The following SEMA6D variants were observed in gnomAD, a reference collection of about 807,000 sequenced individuals.
The protein encoded by SEMA6D is semaphorin-6D.
Under a neutral mutation model 106.6 loss-of-function variants are expected in SEMA6D, and 35 were observed. The ratio of observed to expected loss-of-function variants is 0.33; its 90% confidence interval spans 0.25 to 0.44. The LOEUF is 0.44. Ranked by LOEUF, SEMA6D falls within the 20% of genes least tolerant of loss-of-function variation. SEMA6D has a pLI of 1.00. For missense variants in SEMA6D, 1,185 were observed against 1,345.9 expected, an observed-to-expected ratio of 0.88 and a Z score of 1.87; for synonymous variants, 499 against 487.7, an observed-to-expected ratio of 1.02 and a Z score of -0.31.
chr15:47,419,472 G>A (rs1057012181), intron 2 of SEMA6D, among the ~76,000 whole-genome samples: 10 of 152,108 alleles, frequency 6.6e-5, no homozygotes, highest in Non-Finnish European at 1.5e-5. Context: ...ACTGGAGGAT[G>A]GTGGAGGAAG....
At chr15:47,366,146 C>T (rs2039022222) in intron 1 of SEMA6D, among the ~76,000 whole-genome samples, 1 of 152,180 alleles carries the variant, frequency 6.6e-6, no homozygotes. Flanking sequence ...AATTGTGTCA[C>T]TCTGATCTGT....
chr15:47,370,151 G>T (rs193185586), intron 1 of SEMA6D, among the ~76,000 whole-genome samples: 1 of 152,112 alleles, frequency 6.6e-6, no homozygotes, highest in Non-Finnish European at 1.5e-5. Context: ...AAGTCTTTTG[G>T]GATTTCAAGA....
intron 4 of SEMA6D, among the ~76,000 whole-genome samples, chr15:47,687,428 G>A (rs1026973381): frequency 6.6e-6 from 1 of 152,074 alleles, no homozygotes; most frequent in African/African-American, 2.4e-5. Context: ...GCCCCAAGAA[G>A]CAACGTTTAG....
chr15:47,754,997 G>A (rs2081634258), intron 1 of SEMA6D, among the ~76,000 whole-genome samples: 1 of 150,110 alleles, frequency 6.7e-6, no homozygotes, highest in African/African-American at 2.5e-5. Context: ...TGTCGCCTAG[G>A]CTGGAGTTCA....
At chr15:47,666,031 A>C (rs934727336) in intron 4 of SEMA6D, among the ~76,000 whole-genome samples, 14 of 152,192 alleles carry the variant, frequency 9.2e-5, no homozygotes, top group South Asian at 2.1e-4. Flanking sequence ...AAACATTGCT[A>C]TCCTAAAGTT....
At chr15:47,534,793 A>C (rs2045100344) in intron 3 of SEMA6D, among the ~76,000 whole-genome samples, 1 of 151,856 alleles carries the variant, frequency 6.6e-6, no homozygotes, top group Admixed American at 6.6e-5. Flanking sequence ...CACACACCCA[A>C]ATTCCTTGTA....
At chr15:47,269,917 C>T (rs1039527390) in intron 1 of SEMA6D, among the ~76,000 whole-genome samples, 2 of 151,516 alleles carry the variant, frequency 1.3e-5, no homozygotes, top group Admixed American at 6.6e-5. Flanking sequence ...TTTTTGCCAT[C>T]ATAAGTCTGA....
intron 1 of SEMA6D, among the ~76,000 whole-genome samples, chr15:47,187,036 C>T (rs1893624614): frequency 6.6e-6 from 1 of 152,108 alleles, no homozygotes; most frequent in Non-Finnish European, 1.5e-5. Flanking sequence ...CATAATTTCA[C>T]TGCTGTAGGC....
intron 1 of SEMA6D, among the ~76,000 whole-genome samples, chr15:47,348,718 CCACACA>C (rs1228740454): frequency 6.2e-5 from 3 of 48,078 alleles, no homozygotes; most frequent in African/African-American, 1.8e-4. Context: ...CACACACACA[CCACACA>C]CACAGAGAGA....
intron 3 of SEMA6D, among the ~76,000 whole-genome samples, chr15:47,548,588 C>T (rs34228780): frequency 0.015 from 2,301 of 152,234 alleles, 36 homozygotes; most frequent in Non-Finnish European, 0.022. Context: ...AGCATGAACA[C>T]TCTTAGGACA....
intron 1 of SEMA6D, among the ~76,000 whole-genome samples, chr15:47,757,797 A>G (rs2081838363): frequency 6.6e-6 from 1 of 152,178 alleles, no homozygotes; most frequent in Non-Finnish European, 1.5e-5. Flanking sequence ...TGAGACTCTT[A>G]AAGTCAATCT....
At chr15:47,526,508 C>T (rs2044760056) in intron 3 of SEMA6D, among the ~76,000 whole-genome samples, 2 of 152,180 alleles carry the variant, frequency 1.3e-5, no homozygotes, top group Non-Finnish European at 2.9e-5. Flanking sequence ...CAGACTTATT[C>T]AGACCAAAGC....
chr15:47,301,304 C>G (rs1447443957), intron 1 of SEMA6D, among the ~76,000 whole-genome samples: 1 of 152,208 alleles, frequency 6.6e-6, no homozygotes, highest in Non-Finnish European at 1.5e-5. Flanking sequence ...CAAGAGTGAA[C>G]ATGCATCAGG....
chr15:47,467,720 T>G (rs1483016765), intron 2 of SEMA6D, among the ~76,000 whole-genome samples: 1 of 152,172 alleles, frequency 6.6e-6, no homozygotes, highest in African/African-American at 2.4e-5. Context: ...TTTCTTTCCC[T>G]GCCAGGATGC....
At chr15:47,223,653 G>C (rs1418481377) in intron 1 of SEMA6D, among the ~76,000 whole-genome samples, 2 of 152,040 alleles carry the variant, frequency 1.3e-5, no homozygotes, top group Non-Finnish European at 2.9e-5. Context: ...GAACTTTAGT[G>C]GTTGATAAGT....
chr15:47,754,014 G>T (rs1341479796), intron 1 of SEMA6D, among the ~76,000 whole-genome samples: 1 of 152,246 alleles, frequency 6.6e-6, no homozygotes, highest in East Asian at 1.9e-4. Flanking sequence ...GAACTATCTA[G>T]TTTTCAGGGA....
At chr15:47,226,078 A>C (rs1034048811) in intron 1 of SEMA6D, among the ~76,000 whole-genome samples, 1 of 152,090 alleles carries the variant, frequency 6.6e-6, no homozygotes, top group African/African-American at 2.4e-5. Context: ...ATGGAGCCTA[A>C]TCCAGTAGAA....
At chr15:47,520,848 A>C (rs1487865449) in intron 3 of SEMA6D, among the ~76,000 whole-genome samples, 1 of 152,196 alleles carries the variant, frequency 6.6e-6, no homozygotes, top group Non-Finnish European at 1.5e-5. Flanking sequence ...AGAGTCTGGC[A>C]AAAGTGGATG....
intron 4 of SEMA6D, among the ~76,000 whole-genome samples, chr15:47,668,555 G>T (rs895758669): frequency 6.6e-6 from 1 of 152,158 alleles, no homozygotes; most frequent in Non-Finnish European, 1.5e-5. Context: ...CTTCTCTGCT[G>T]CATGTTTCAC....
Sources: allele counts gnomAD v4.1 joint callset (sites outside exome capture counted in the v4.1 genomes callset), GRCh38; gene constraint gnomAD v4.1.1; transcripts MANE v1.5; gene names NCBI Gene and HGNC (gene_info 2026-07-23, HGNC 2026-07-21).